The following FOXN3 variants were observed in gnomAD, a reference collection of about 807,000 sequenced individuals.
The protein encoded by FOXN3 is forkhead box protein N3.
In FOXN3, 7 loss-of-function variants were observed where a neutral mutation model predicts 38.4. That is an observed-to-expected ratio of 0.18 (90% CI 0.10 to 0.34). The LOEUF is 0.34. FOXN3 is among the 10% of genes least tolerant of loss of function. The probability of loss-of-function intolerance (pLI) is 1.00; values close to 1 mark genes in which losing one functional copy is unlikely to be tolerated. For synonymous variants in FOXN3, 230 were observed against 242.2 expected (o/e 0.95, Z 0.47); for missense variants, 456 against 613.4 (o/e 0.74, Z 2.71).
At chr14:89,585,769 A>AAG (rs2139917900) in intron 1 of FOXN3, among the ~76,000 whole-genome samples, 1 of 151,924 alleles carries the variant, frequency 6.6e-6, no homozygotes, top group East Asian at 1.9e-4. Flanking sequence ...AAAAAAAAAA[A>AAG]AAAGAAAGGA....
chr14:89,194,097 A>C (rs1888034586), intron 4 of FOXN3, among the ~76,000 whole-genome samples: 1 of 152,172 alleles, frequency 6.6e-6, no homozygotes, highest in Admixed American at 6.5e-5. Flanking sequence ...GTCCTCTGTG[A>C]GATACATGGT....
intron 1 of FOXN3, among the ~76,000 whole-genome samples, chr14:89,466,360 T>G (rs1031574478): frequency 6.6e-6 from 1 of 152,160 alleles, no homozygotes; most frequent in Non-Finnish European, 1.5e-5. Context: ...AAAATGAAGC[T>G]CCACTTATTT....
chr14:89,328,650 A>T (rs1002415241), intron 3 of FOXN3, among the ~76,000 whole-genome samples: 22 of 152,196 alleles, frequency 1.4e-4, no homozygotes, highest in Non-Finnish European at 4.4e-5. Flanking sequence ...CACCAGCAGC[A>T]CTAGATGAAT....
At chr14:89,432,097 A>G (rs968721953) in intron 1 of FOXN3, among the ~76,000 whole-genome samples, 2 of 152,240 alleles carry the variant, frequency 1.3e-5, no homozygotes, top group African/African-American at 4.8e-5. Context: ...CATAAAGAAC[A>G]TCGCATTGCA....
At chr14:89,535,374 T>C (rs1894664970) in intron 1 of FOXN3, among the ~76,000 whole-genome samples, 1 of 152,168 alleles carries the variant, frequency 6.6e-6, no homozygotes, top group African/African-American at 2.4e-5. Context: ...CATTTTTCAG[T>C]ACTATTTCTT....
Position 89,471,918 on chromosome 14 carries a change from C to G in FOXN3, c.-14-59428G>C, listed in dbSNP as rs1404529967. On this transcript the variant is annotated intron_variant, in intron 1 of 6. Coordinates refer to the FOXN3 transcript ENST00000345097. Reference sequence around the variant, plus strand: ...GAATGGGAATAAAGATGACTTGGAACAGAGTCCTCATCAATCTTCAACAGA... The same window carrying G: ...GAATGGGAATAAAGATGACTTGGAAGAGAGTCCTCATCAATCTTCAACAGA... Among the ~76,000 whole-genome samples, 2 of 152,152 alleles carry G rather than the reference C, an allele frequency of 1.3e-5. 1 individual carries two copies. Among genetic ancestry groups the G allele is most frequent in the Non-Finnish European group, 2.9e-5 (2 of 68,030 alleles).
At chr14:89,610,710 A>T (rs1896372148) in intron 1 of FOXN3, among the ~76,000 whole-genome samples, 1 of 152,222 alleles carries the variant, frequency 6.6e-6, no homozygotes, top group Non-Finnish European at 1.5e-5. Context: ...GAATTACAGA[A>T]CAGGGGATAG....
intron 4 of FOXN3, among the ~76,000 whole-genome samples, chr14:89,241,981 G>A (rs8007898): frequency 0.019 from 2,967 of 152,280 alleles, 68 homozygotes; most frequent in Middle Eastern, 0.058. Context: ...TCAGGACCAG[G>A]TAGGTCACAT....
chr14:89,467,277 G>A (rs1892989356), intron 1 of FOXN3, among the ~76,000 whole-genome samples: 1 of 152,116 alleles, frequency 6.6e-6, no homozygotes, highest in Non-Finnish European at 1.5e-5. Flanking sequence ...GGTGCGTGTC[G>A]CCATCCACCA....
rs1893397629 is a variant in FOXN3 at position 89,484,169 on chromosome 14, C to T, written c.-14-71679G>A. The stretch of plus-strand genomic sequence containing the variant: ...TCGCTTTCTCACTCCAGAAAATCCC[C>T]CCTTCTGCTCCTTCCTATTCTAATC... On this transcript the variant is annotated intron_variant, in intron 1 of 6. Transcript: ENST00000345097. The surrounding 1 kb of genome is among the most constrained non-coding windows in gnomAD (Gnocchi z 4.0). Among the ~76,000 whole-genome samples the T allele has an allele frequency of 6.6e-6, 1 of 152,174 alleles. No homozygotes were observed. Among genetic ancestry groups the T allele is most frequent in the Admixed American group, 6.5e-5 (1 of 15,276 alleles).
intron 4 of FOXN3, among the ~76,000 whole-genome samples, chr14:89,193,765 G>T (rs966626185): frequency 6.6e-6 from 1 of 152,112 alleles, no homozygotes; most frequent in Non-Finnish European, 1.5e-5. Flanking sequence ...TGTATATTTA[G>T]CTTTATAGAG....
intron 1 of FOXN3, among the ~76,000 whole-genome samples, chr14:89,487,226 T>C (rs539430480): frequency 2.6e-5 from 4 of 152,208 alleles, no homozygotes; most frequent in African/African-American, 7.2e-5. Flanking sequence ...AATAGGAAAG[T>C]TGGTACATGA....
chr14:89,280,614 C>T (rs1276836694), intron 4 of FOXN3, among the ~76,000 whole-genome samples: 1 of 152,088 alleles, frequency 6.6e-6, no homozygotes, highest in Admixed American at 6.5e-5. Context: ...TTTTATCAGC[C>T]TAGTTTATGT....
chr14:89,267,222 A>C (rs549418441), intron 4 of FOXN3, among the ~76,000 whole-genome samples: 17 of 152,224 alleles, frequency 1.1e-4, no homozygotes, highest in Admixed American at 9.2e-4. Context: ...TAGACGGTAC[A>C]ATTTAAATCT....
At chr14:89,299,927 T>G (rs1354066289) in intron 3 of FOXN3, among the ~76,000 whole-genome samples, 2 of 152,124 alleles carry the variant, frequency 1.3e-5, no homozygotes, top group East Asian at 3.9e-4. Context: ...AGTAAAAATA[T>G]CATTTCAACT....
At chr14:89,345,936 C>G (rs1279652632) in intron 3 of FOXN3, among the ~76,000 whole-genome samples, 1 of 152,110 alleles carries the variant, frequency 6.6e-6, no homozygotes, top group Non-Finnish European at 1.5e-5. Flanking sequence ...GCCTGTAATC[C>G]CAGCTACTCG....
At chr14:89,328,453 C>A (rs1888139136) in intron 3 of FOXN3, among the ~76,000 whole-genome samples, 1 of 151,866 alleles carries the variant, frequency 6.6e-6, no homozygotes, top group Non-Finnish European at 1.5e-5. Context: ...ACATTCCCAA[C>A]AGCAGCCCTG....
intron 3 of FOXN3, among the ~76,000 whole-genome samples, chr14:89,326,171 T>C (rs1888077860): frequency 6.6e-6 from 1 of 152,200 alleles, no homozygotes; most frequent in South Asian, 2.1e-4. Flanking sequence ...AAACCTACCA[T>C]GTCCCTGCCC....
At chr14:89,557,099 A>G (rs1489322646) in intron 1 of FOXN3, among the ~76,000 whole-genome samples, 1 of 152,184 alleles carries the variant, frequency 6.6e-6, no homozygotes, top group African/African-American at 2.4e-5. Context: ...CTCAGATCCA[A>G]AACCCAGTGA....
Sources: allele counts gnomAD v4.1 joint callset (sites outside exome capture counted in the v4.1 genomes callset), GRCh38; gene constraint gnomAD v4.1.1; non-coding constraint Gnocchi (gnomAD v3.1); transcripts MANE v1.5; gene names NCBI Gene and HGNC (gene_info 2026-07-23, HGNC 2026-07-21).